Variants in ITIH5 observed in about 807,000 individuals in gnomAD.
The protein encoded by ITIH5 is inter-alpha-trypsin inhibitor heavy chain 5.
In ITIH5, 65 loss-of-function variants were observed where a neutral mutation model predicts 77.5. That is an observed-to-expected ratio of 0.84 (90% CI 0.69 to 1.03). The LOEUF is 1.03. Among genes scored for constraint, ITIH5 ranks in the 50% least tolerant of loss-of-function variants. ITIH5 has a pLI of 0.00. For missense variants in ITIH5, 1,208 were observed against 1,213.1 expected, an observed-to-expected ratio of 1.00 and a Z score of 0.06; for synonymous variants, 525 against 494.3, an observed-to-expected ratio of 1.06 and a Z score of -0.82.
intron 12 of ITIH5, chr10:7,569,038 T>TA (rs1832245278): frequency 9.0e-6 from 1 of 111,572 alleles, no homozygotes; most frequent in Non-Finnish European, 1.8e-5. Flanking sequence ...TTTTTTGAGA[T>TA]AGAGTCTTGC....
intron 7 of ITIH5, among the ~76,000 whole-genome samples, chr10:7,611,793 A>G (rs1030668155): frequency 2.6e-5 from 4 of 151,872 alleles, no homozygotes; most frequent in Admixed American, 2.6e-4. Flanking sequence ...TAAAATTTTT[A>G]TGTAGCTAAA....
intron 4 of ITIH5, among the ~76,000 whole-genome samples, chr10:7,639,524 G>A (rs1194510450): frequency 6.6e-6 from 1 of 152,162 alleles, no homozygotes; most frequent in Non-Finnish European, 1.5e-5. Context: ...CAACAGCAAA[G>A]TTTCTGGCAG....
Position 7,666,858 on chromosome 10 carries a change from G to GACAGCCCCAGGC in ITIH5, c.23_34dup (p.Cys8_Leu11dup), listed in dbSNP as rs1167320348. On this transcript the variant is annotated inframe_insertion, in exon 1 of 14. Coordinates refer to ENST00000397146, the MANE Select transcript of ITIH5 (RefSeq NM_030569.7). ...CTCTTCCTGCGACCCCACACACAGG[G>GACAGCCCCAGGC]ACAGCCCCAGGCACAGCCCCAGCAG... The GACAGCCCCAGGC allele has an allele frequency of 9.9e-6, 16 of 1,608,070 alleles. No homozygotes were observed. Among genetic ancestry groups the GACAGCCCCAGGC allele is most frequent in the Non-Finnish European group, 1.4e-5 (16 of 1,177,890 alleles).
rs887329530 is a variant in ITIH5, at chr10:7,576,966, C to T, written c.1465G>A (p.Asp489Asn). The change falls in exon 10 of 14, where the codon GAT (aspartate) becomes AAT (asparagine). Residue 489 changes from aspartate (D) to asparagine (N), a missense_variant. Coordinates refer to ENST00000397146, the MANE Select transcript of ITIH5 (RefSeq NM_030569.7). Reference protein sequence around the residue: ...RTPLLSDIRIDYPPSSVVQAT... With the variant: ...RTPLLSDIRINYPPSSVVQAT... ...TGCACCACTGAGCTGGGGGGATAAT[C>T]GATGCGGATGTCAGAGAGGAGCGGG... 3.1e-6 allele frequency: 5 copies of T among 1,613,880 alleles called. No homozygotes were observed. In the Admixed American group the frequency reaches 5.0e-5, roughly 16 times the overall value.
chr10:7,626,045 C>G (rs961784269), intron 5 of ITIH5, among the ~76,000 whole-genome samples: 6 of 152,132 alleles, frequency 3.9e-5, no homozygotes, highest in Admixed American at 1.3e-4. Flanking sequence ...AGCAGCCCTT[C>G]AAGGGAACTG....
At chr10:7,587,109 C>T (rs1000515802) in intron 7 of ITIH5, among the ~76,000 whole-genome samples, 8 of 152,024 alleles carry the variant, frequency 5.3e-5, no homozygotes, top group Admixed American at 1.3e-4. Context: ...GGATTACAGG[C>T]GTGAGCCACT....
chr10:7,602,440 A>G (rs1181358745), intron 7 of ITIH5, among the ~76,000 whole-genome samples: 3 of 152,206 alleles, frequency 2.0e-5, no homozygotes, highest in African/African-American at 7.2e-5. Flanking sequence ...GGAGGTAACT[A>G]AATCATGGAG....
intron 5 of ITIH5, among the ~76,000 whole-genome samples, chr10:7,630,370 A>T (rs1470936750): frequency 6.6e-6 from 1 of 152,204 alleles, no homozygotes; most frequent in Admixed American, 6.5e-5. Flanking sequence ...GTCTTGCTAG[A>T]TCTCTTAACT....
intron 7 of ITIH5, among the ~76,000 whole-genome samples, chr10:7,588,381 G>T (rs534547221): frequency 6.6e-6 from 1 of 152,298 alleles, no homozygotes; most frequent in South Asian, 2.1e-4. Context: ...TTAGCTGGGC[G>T]TGGTGGCCCA....
chr10:7,584,307 TTTC>T (rs1293978906), intron 8 of ITIH5, among the ~76,000 whole-genome samples: 9 of 137,190 alleles, frequency 6.6e-5, no homozygotes, highest in African/African-American at 2.1e-4. Context: ...TTCTTTTTTT[TTTC>T]TTTTTTTTTT....
rs1201308149 is a variant in ITIH5, at chr10:7,559,842, T to A, written c.*3241A>T. 1 of 450,416 alleles carries A rather than the reference T, an allele frequency of 2.2e-6. No homozygotes were observed. The highest frequency in any genetic ancestry group is 4.4e-6 in the Non-Finnish European group (1 of 226,156). The allele number at this position is 450,416 out of a possible 1,614,324, so 27.9% of individuals were successfully genotyped here. On this transcript the variant is annotated 3_prime_UTR_variant, in exon 14 of 14. Coordinates refer to ENST00000397146, the MANE Select transcript of ITIH5 (RefSeq NM_030569.7). The stretch of plus-strand genomic sequence containing the variant: ...GAGGAAAAACACCATCTCTCCCATG[T>A]CTTTTTTTTGTTTTGTTTTGTTTTT...
intron 10 of ITIH5, among the ~76,000 whole-genome samples, chr10:7,573,864 C>CTGT (rs1427408838): frequency 6.6e-6 from 1 of 151,990 alleles, no homozygotes; most frequent in Admixed American, 6.6e-5. Context: ...GAGAAATGAG[C>CTGT]TGTTGTTCAG....
intron 13 of ITIH5, among the ~76,000 whole-genome samples, chr10:7,564,578 A>G (rs1832102364): frequency 6.6e-6 from 1 of 152,090 alleles, no homozygotes; most frequent in African/African-American, 2.4e-5. Flanking sequence ...AATAGGAGAC[A>G]CCACATAGCC....
chr10:7,637,027 G>C (rs948862099), intron 5 of ITIH5, among the ~76,000 whole-genome samples: 4 of 152,042 alleles, frequency 2.6e-5, no homozygotes, highest in Non-Finnish European at 4.4e-5. Flanking sequence ...CTCTAGCCTG[G>C]CGACAGAGGA....
chr10:7,619,777 C>A (rs781458020), intron 5 of ITIH5: 14 of 168,864 alleles, frequency 8.3e-5, no homozygotes, highest in Non-Finnish European at 1.7e-4. Flanking sequence ...GGTCCAATCA[C>A]CTCCCACCAG....
At chr10:7,632,921 C>G (rs1011042558) in intron 5 of ITIH5, among the ~76,000 whole-genome samples, 1 of 152,190 alleles carries the variant, frequency 6.6e-6, no homozygotes, top group Non-Finnish European at 1.5e-5. Flanking sequence ...GTATTGGAAT[C>G]ATGGCAGGGG....
rs771293155 is a variant in ITIH5 at position 7,576,739 on chromosome 10, G to A, written c.1692C>T (p.Gly564=). ...TGTGGTTGGTGTCCCCCTCTCCATC[G>A]CCTCCAGGCCTGGGGCTTCCTGTGA... is the stretch of plus-strand genomic sequence containing the variant. ...KDVTGSPRPG[G]DGEGDTNHIE... is the part of the protein sequence containing the mutation. The change falls in exon 10 of 14, where the codon GGC becomes GGT. Residue 564 remains glycine, a synonymous_variant. Coordinates refer to ENST00000397146, the MANE Select transcript of ITIH5 (RefSeq NM_030569.7). 39 of 1,613,718 alleles carry A rather than the reference G, an allele frequency of 2.4e-5. No individual in the cohort carries two copies. The highest frequency in any genetic ancestry group is 3.1e-5 in the Non-Finnish European group (36 of 1,179,968).
At position 7,566,757 on chromosome 10, in the gene ITIH5, G is replaced by GAAGA. The variant is rs1554746784; in HGVS notation, c.2150-354_2150-351dup. 5.8e-5 allele frequency among the ~76,000 whole-genome samples: 2 copies of GAAGA among 34,336 alleles called. 1 individual carries two copies. The allele number at this position is 34,336 out of a possible 152,430, so 22.5% of individuals were successfully genotyped here. A position where few individuals can be genotyped will look rare whatever the true frequency, so the allele number is the denominator to read the frequency against. ...AAAAAAAAAAGAAGAAGAAGAAGAA[G>GAAGA]AAGAAGAAAGAAGAAAGAAGAAAGA... is the stretch of plus-strand genomic sequence containing the variant. On this transcript the variant is annotated intron_variant, in intron 12 of 13. Coordinates refer to ENST00000397146, the MANE Select transcript of ITIH5 (RefSeq NM_030569.7).
intron 9 of ITIH5, 41 bp from the exon 10 acceptor site, chr10:7,577,053 G>A: frequency 6.5e-7 from 1 of 1,538,960 alleles, no homozygotes; most frequent in East Asian, 2.3e-5. Flanking sequence ...TCAGGGCCCT[G>A]CTCTGACAGC....
Sources: allele counts gnomAD v4.1 joint callset (sites outside exome capture counted in the v4.1 genomes callset), GRCh38; gene constraint gnomAD v4.1.1; transcripts MANE v1.5; gene names NCBI Gene and HGNC (gene_info 2026-07-23, HGNC 2026-07-21).